Variants in DNER observed in about 807,000 individuals in gnomAD.
DNER encodes the protein delta/notch like EGF repeat containing, also known as delta and Notch-like epidermal growth factor-related receptor.
Under a neutral mutation model 78.2 loss-of-function variants are expected in DNER, and 33 were observed. That is an observed-to-expected ratio of 0.42 (90% CI 0.32 to 0.56). The LOEUF (loss-of-function observed/expected upper bound fraction) is 0.56, where lower values mean the gene tolerates loss of function less well. Ranked by LOEUF, DNER falls within the 20% of genes least tolerant of loss-of-function variation. DNER has a pLI of 0.11. For synonymous variants in DNER, 417 were observed against 384.8 expected (o/e 1.08, Z -0.98); for missense variants, 918 against 975.3 (o/e 0.94, Z 0.78).
intron 1 of DNER, among the ~76,000 whole-genome samples, chr2:229,632,734 G>T (rs1301362929): frequency 2.0e-5 from 3 of 152,162 alleles, no homozygotes; most frequent in Admixed American, 2.0e-4. Context: ...GCCCAGAGAT[G>T]ATATTAATTA....
At chr2:229,506,931 C>T (rs757807467) in intron 6 of DNER, among the ~76,000 whole-genome samples, 28 of 152,142 alleles carry the variant, frequency 1.8e-4, no homozygotes, top group South Asian at 1.0e-3. Flanking sequence ...TAGGTGATTT[C>T]GTCATTATGC....
At chr2:229,523,305 G>T (rs573249492) in intron 5 of DNER, among the ~76,000 whole-genome samples, 1 of 152,178 alleles carries the variant, frequency 6.6e-6, no homozygotes, top group African/African-American at 2.4e-5. Context: ...TAGGGCTGCC[G>T]TAACGAAGTA....
chr2:229,418,868 C>G (rs921485276), intron 8 of DNER, among the ~76,000 whole-genome samples: 1 of 151,812 alleles, frequency 6.6e-6, no homozygotes, highest in African/African-American at 2.4e-5. Context: ...TTGCAGTGAG[C>G]CAAGATTGTA....
chr2:229,479,670 G>A (rs369397933), intron 6 of DNER, among the ~76,000 whole-genome samples: 230 of 147,242 alleles, frequency 1.6e-3, no homozygotes, highest in Middle Eastern at 3.6e-3. Context: ...CCGAGATTGC[G>A]CCACTGCACT....
At chr2:229,448,132 G>T (rs1255782982) in intron 7 of DNER, among the ~76,000 whole-genome samples, 1 of 151,808 alleles carries the variant, frequency 6.6e-6, no homozygotes. Flanking sequence ...AAAGTTGATT[G>T]TTGTAAGAGA....
At chr2:229,431,726 G>A (rs1159490143) in intron 8 of DNER, among the ~76,000 whole-genome samples, 2 of 151,186 alleles carry the variant, frequency 1.3e-5, no homozygotes, top group Non-Finnish European at 2.9e-5. Flanking sequence ...CATGGCACAT[G>A]TATACATATG....
chr2:229,359,291 C>A (rs1195771245), intron 12 of DNER, among the ~76,000 whole-genome samples: 1 of 152,198 alleles, frequency 6.6e-6, no homozygotes. Flanking sequence ...GCCATTGTCC[C>A]AACAGATTTG....
Position 229,449,623 on chromosome 2 carries a change from G to A in DNER, c.1262-2083C>T, listed in dbSNP as rs560916666. The stretch of plus-strand genomic sequence containing the variant: ...CCAGTGGGGAGCAGTGCAGGTTCTA[G>A]GTTAACCTTGTGGATGCACTGATTT... On this transcript the variant is annotated intron_variant, in intron 7 of 12. Coordinates refer to ENST00000341772, the MANE Select transcript of DNER (RefSeq NM_139072.4). Among the ~76,000 whole-genome samples, 250 of 152,220 alleles carry A rather than the reference G, an allele frequency of 1.6e-3. 3 individuals carry two copies. The highest frequency in any genetic ancestry group is 5.7e-3 in the African/African-American group (235 of 41,522).
intron 1 of DNER, among the ~76,000 whole-genome samples, chr2:229,614,578 G>A (rs558648843): frequency 2.1e-4 from 32 of 152,180 alleles, no homozygotes; most frequent in Admixed American, 5.9e-4. Flanking sequence ...CTGGGACAAG[G>A]AGGTAGCTCT....
In DNER at chr2:229,512,861, G is replaced by T. The variant is rs1169864823; in HGVS notation, c.1069C>A (p.Pro357Thr). ...CEEYDACQRK[P>T]CQNNASCIDA... ...ATACAGCTCGCGTTGTTTTGGCAAG[G>T]TTTCCTCTGGCAAGCATCGTATTCT... is the stretch of plus-strand genomic sequence containing the variant. The change falls in exon 6 of 13, where the codon CCT becomes ACT. Residue 357 changes from proline (P) to threonine (T), a missense_variant. By Grantham distance (38) the Pro-to-Thr change is conservative. Transcript: ENST00000341772. 3 of 1,614,140 alleles carry T rather than the reference G, an allele frequency of 1.9e-6. No individual in the cohort carries two copies. Among genetic ancestry groups the T allele is most frequent in the Non-Finnish European group, 1.7e-6 (2 of 1,180,016 alleles).
At chr2:229,478,534 A>C (rs1176830234) in intron 6 of DNER, among the ~76,000 whole-genome samples, 2 of 152,212 alleles carry the variant, frequency 1.3e-5, no homozygotes, top group African/African-American at 4.8e-5. Context: ...TGAACTAAAA[A>C]TCCAAACACC....
chr2:229,567,397 G>A (rs2154213914), intron 4 of DNER, among the ~76,000 whole-genome samples: 1 of 152,322 alleles, frequency 6.6e-6, no homozygotes, highest in East Asian at 1.9e-4. Flanking sequence ...GAAAGGGAAG[G>A]AGGAATATGT....
At chr2:229,582,377 C>A (rs931046152) in intron 4 of DNER, among the ~76,000 whole-genome samples, 2 of 152,092 alleles carry the variant, frequency 1.3e-5, no homozygotes, top group African/African-American at 4.8e-5. Flanking sequence ...TGGTTAGGAA[C>A]CTGGCCATCC....
chr2:229,707,617 G>T (rs1699850073), intron 1 of DNER, among the ~76,000 whole-genome samples: 1 of 152,226 alleles, frequency 6.6e-6, no homozygotes, highest in Non-Finnish European at 1.5e-5. Context: ...CCTACTGTAT[G>T]TAGCCCCAGT....
At chr2:229,559,139 G>C (rs568971791) in intron 4 of DNER, among the ~76,000 whole-genome samples, 1 of 152,108 alleles carries the variant, frequency 6.6e-6, no homozygotes, top group Admixed American at 6.6e-5. Context: ...GATTTCCATC[G>C]TTAGTGTACT....
chr2:229,709,158 C>T (rs1252673906), intron 1 of DNER, among the ~76,000 whole-genome samples: 2 of 152,082 alleles, frequency 1.3e-5, no homozygotes, highest in African/African-American at 2.4e-5. Flanking sequence ...AACTACAATC[C>T]TTTTCTTAGT....
intron 6 of DNER, among the ~76,000 whole-genome samples, chr2:229,500,954 T>C (rs1426630714): frequency 6.6e-6 from 1 of 151,890 alleles, no homozygotes; most frequent in Non-Finnish European, 1.5e-5. Flanking sequence ...CGATGTTTGG[T>C]TTTCAAAAGA....
At chr2:229,684,356 A>G (rs1456043295) in intron 1 of DNER, among the ~76,000 whole-genome samples, 1 of 151,832 alleles carries the variant, frequency 6.6e-6, no homozygotes, top group Non-Finnish European at 1.5e-5. Context: ...CCGAGCACCC[A>G]CCATTCCACC....
chr2:229,540,540 G>A (rs746193837), intron 5 of DNER, among the ~76,000 whole-genome samples: 1 of 152,202 alleles, frequency 6.6e-6, no homozygotes, highest in Non-Finnish European at 1.5e-5. Flanking sequence ...GGCCACATGG[G>A]CTATAGAACA....
Sources: allele counts gnomAD v4.1 joint callset (sites outside exome capture counted in the v4.1 genomes callset), GRCh38; gene constraint gnomAD v4.1.1; transcripts MANE v1.5; gene names NCBI Gene and HGNC (gene_info 2026-07-23, HGNC 2026-07-21).